IL19: variants seen among roughly 807,000 people sequenced by gnomAD.
IL19 encodes the protein interleukin 19.
In IL19, 15 loss-of-function variants were observed where a neutral mutation model predicts 19.5. The ratio of observed to expected loss-of-function variants is 0.77; its 90% CI spans 0.52 to 1.19. IL19 has a LOEUF of 1.19. Ranked by LOEUF, IL19 falls within the 50% of genes most tolerant of loss-of-function variation. IL19 has a pLI of 0.00. For missense variants in IL19, 199 were observed against 213.1 expected (o/e 0.93, Z 0.41); for synonymous variants, 78 against 78.3 (o/e 1.00, Z 0.02).
intron 6 of IL19, among the ~76,000 whole-genome samples, chr1:206,841,542 AAGC>A (rs1677018961): frequency 6.6e-6 from 1 of 152,262 alleles, no homozygotes; most frequent in South Asian, 2.1e-4. Flanking sequence ...GTAGAGGAAG[AAGC>A]AGTGTTTCTC....
At chr1:206,817,307 C>T (rs1676182278) in intron 2 of IL19, among the ~76,000 whole-genome samples, 1 of 152,188 alleles carries the variant, frequency 6.6e-6, no homozygotes, top group Admixed American at 6.5e-5. Flanking sequence ...AGAATCTACC[C>T]CCTGAACTTT....
chr1:206,793,188 A>C (rs140054052), intron 1 of IL19, among the ~76,000 whole-genome samples: 3 of 152,350 alleles, frequency 2.0e-5, no homozygotes, highest in Non-Finnish European at 4.4e-5. Flanking sequence ...CTAAATCCCG[A>C]CGGGGACTTC....
At chr1:206,777,941 C>G (rs1057446641) in intron 1 of IL19, among the ~76,000 whole-genome samples, 12 of 152,216 alleles carry the variant, frequency 7.9e-5, no homozygotes, top group African/African-American at 2.9e-4. Flanking sequence ...CTATCACACA[C>G]CCAAAGTGTG....
chr1:206,803,464 T>G lies in IL19; in HGVS notation c.-3+4458T>G, dbSNP rs932127428. ...GTCATCTGAGTCAAAGCTTGTATCT[T>G]TACTCTCAAAAACAAGTCATTTTTG... On this transcript the variant is annotated intron_variant, in intron 2 of 6. Transcript: ENST00000659997. 3.9e-5 allele frequency among the ~76,000 whole-genome samples: 6 copies of G among 152,182 alleles called. No homozygotes were observed. In the East Asian group the frequency reaches 1.2e-3, roughly 29 times the overall value.
At chr1:206,841,216 T>C in intron 6 of IL19, 138 bp downstream of exon 6, 1 of 685,120 alleles carries the variant, frequency 1.5e-6, no homozygotes, top group South Asian at 1.7e-5. Flanking sequence ...CAATTCTCTG[T>C]GTCTGTAAAG....
intron 1 of IL19, among the ~76,000 whole-genome samples, chr1:206,777,499 G>C (rs1301757988): frequency 6.6e-6 from 1 of 152,088 alleles, no homozygotes; most frequent in African/African-American, 2.4e-5. Context: ...ATGCCTTACT[G>C]CAATTCTGCA....
chr1:206,842,204 A>C (rs1461060600), intron 6 of IL19, among the ~76,000 whole-genome samples: 2 of 152,192 alleles, frequency 1.3e-5, no homozygotes, highest in African/African-American at 4.8e-5. Context: ...GGTGTGGAGA[A>C]GAAAATCAGC....
At chr1:206,772,062 G>A (rs547815096) in intron 1 of IL19, among the ~76,000 whole-genome samples, 1 of 152,180 alleles carries the variant, frequency 6.6e-6, no homozygotes, top group Non-Finnish European at 1.5e-5. Context: ...TATAAGGCAG[G>A]TTTCCTGCAC....
chr1:206,789,596 C>T (rs901764108), intron 1 of IL19, among the ~76,000 whole-genome samples: 5 of 151,768 alleles, frequency 3.3e-5, no homozygotes, highest in South Asian at 2.1e-4. Flanking sequence ...TAGTTTTTTT[C>T]GACTTTTAAG....
At chr1:206,830,303 A>G (rs1445932377) in intron 2 of IL19, among the ~76,000 whole-genome samples, 1 of 152,144 alleles carries the variant, frequency 6.6e-6, no homozygotes, top group Non-Finnish European at 1.5e-5. Context: ...TCCAAATATC[A>G]CAATAAAGGA....
intron 1 of IL19, among the ~76,000 whole-genome samples, chr1:206,773,649 A>T (rs1246022588): frequency 7.0e-6 from 1 of 142,198 alleles, no homozygotes; most frequent in Non-Finnish European, 1.5e-5. Flanking sequence ...AAGGGGAGCC[A>T]GTTGGGTTGC....
chr1:206,840,733 T>C (rs1676985458), intron 5 of IL19: 1 of 440,314 alleles, frequency 2.3e-6, no homozygotes, highest in African/African-American at 1.9e-5. Context: ...GATGCAGCAC[T>C]CAGAGTGGTG....
chr1:206,794,321 C>T (rs1256500088), intron 1 of IL19, among the ~76,000 whole-genome samples: 6 of 152,146 alleles, frequency 3.9e-5, no homozygotes, highest in Admixed American at 6.5e-5. Flanking sequence ...GCACTCAATG[C>T]GTGGTGGTTT....
At chr1:206,789,798 G>T (rs115483118) in intron 1 of IL19, among the ~76,000 whole-genome samples, 1 of 152,096 alleles carries the variant, frequency 6.6e-6, no homozygotes, top group Non-Finnish European at 1.5e-5. Context: ...TCATCAATGA[G>T]CTCCGACTTA....
At position 206,841,021 on chromosome 1, in the gene IL19, T is replaced by A; in HGVS notation, c.381T>A (p.Cys127Ter). ...TATCACAGCAGGAACAGAGGCAGTG[T>A]CACTGCAGGCAGGAAGCCACCAATG... The part of the protein sequence containing the change: ...TLRQCQEQRQ[C>*]HCRQEATNAT... Residue 127 changes from cysteine to a stop codon, truncating the protein, a stop_gained, in exon 6 of 7, where the codon TGT (cysteine) becomes TGA (stop). Transcript: ENST00000659997. LOFTEE classifies it high-confidence loss of function. The A allele has an allele frequency of 6.2e-7, 1 of 1,613,916 alleles. No individual in the cohort carries two copies. Among genetic ancestry groups the A allele is most frequent in the Non-Finnish European group, 8.5e-7 (1 of 1,179,826 alleles).
intron 2 of IL19, among the ~76,000 whole-genome samples, chr1:206,825,073 T>C (rs1318004455): frequency 2.6e-5 from 4 of 152,218 alleles, no homozygotes; most frequent in African/African-American, 9.6e-5. Flanking sequence ...TCCAAATCTT[T>C]TAATGTTACT....
intron 5 of IL19, 200 bp downstream of exon 5, chr1:206,840,202 C>T: frequency 1.4e-6 from 1 of 709,558 alleles, no homozygotes; most frequent in Non-Finnish European, 2.5e-6. Flanking sequence ...GACAACTCCT[C>T]AGATGGTCTC....
intron 1 of IL19, chr1:206,771,418 G>A (rs1396281688): frequency 6.2e-7 from 1 of 1,604,582 alleles, no homozygotes; most frequent in Non-Finnish European, 8.5e-7. Flanking sequence ...TTCATTTGCT[G>A]CAGGAAGAAC....
At chr1:206,839,464 A>G (rs1273427500) in intron 4 of IL19, among the ~76,000 whole-genome samples, 2 of 152,208 alleles carry the variant, frequency 1.3e-5, no homozygotes, top group Non-Finnish European at 2.9e-5. Flanking sequence ...AGTGTAGGGA[A>G]GTTCTTTTCA....
Sources: gnomAD v4.1 joint callset for allele counts (sites outside exome capture counted in the v4.1 genomes callset) on GRCh38, gnomAD v4.1.1 for gene constraint, MANE v1.5 for transcripts, NCBI Gene and HGNC (gene_info 2026-07-23, HGNC 2026-07-21) for gene names.